Variants in PRKCA observed in about 807,000 individuals in gnomAD.
The protein encoded by PRKCA is protein kinase C alpha, also known as protein kinase C alpha type.
A neutral mutation model predicts 87.0 loss-of-function variants in PRKCA; 27 were observed. The ratio of observed to expected loss-of-function variants is 0.31; its 90% CI spans 0.23 to 0.43. The LOEUF (loss-of-function observed/expected upper bound fraction) is 0.43. Among genes scored for constraint, PRKCA ranks in the 20% least tolerant of loss-of-function variants. The probability of loss-of-function intolerance (pLI) is 1.00; values close to 1 mark genes in which losing one functional copy is unlikely to be tolerated. For missense variants in PRKCA, 518 were observed against 852.3 expected (o/e 0.61, Z 4.88); for synonymous variants, 329 against 311.1 (o/e 1.06, Z -0.61).
chr17:66,386,293 G>A (rs988234831), intron 2 of PRKCA, among the ~76,000 whole-genome samples: 3 of 152,258 alleles, frequency 2.0e-5, no homozygotes, highest in African/African-American at 2.4e-5. Context: ...GTAGTGCTTC[G>A]TTGTGTGGAT....
chr17:66,536,410 C>T (rs546827959), intron 3 of PRKCA, among the ~76,000 whole-genome samples: 8 of 152,280 alleles, frequency 5.3e-5, no homozygotes, highest in African/African-American at 1.7e-4. Context: ...AAAATAAAAC[C>T]CACATGGAAA....
chr17:66,529,998 T>C (rs560578535), intron 3 of PRKCA, among the ~76,000 whole-genome samples: 2 of 152,302 alleles, frequency 1.3e-5, no homozygotes, highest in South Asian at 4.1e-4. Flanking sequence ...AGGGAGGAAG[T>C]AGGATTCCTT....
chr17:66,325,885 C>T (rs1440411886), intron 2 of PRKCA, among the ~76,000 whole-genome samples: 1 of 152,138 alleles, frequency 6.6e-6, no homozygotes, highest in Non-Finnish European at 1.5e-5. Flanking sequence ...CACCTTTCCC[C>T]CTTTTAAAAC....
Position 66,467,480 on chromosome 17 carries a change from A to AT in PRKCA, c.206-28712dup, listed in dbSNP as rs1250517918. Among the ~76,000 whole-genome samples the AT allele has an allele frequency of 6.1e-3, 930 of 151,302 alleles. 9 individuals are homozygous for AT. The highest frequency in any genetic ancestry group is 0.019 in the African/African-American group (801 of 41,316). On this transcript the variant is annotated intron_variant, in intron 2 of 16. Coordinates refer to ENST00000413366, the MANE Select transcript of PRKCA (RefSeq NM_002737.3). ...AATGCTTGTTTAGCTGGGCAAACAC[A>AT]TTTTTTTTTGCAGAAAAACAGCCCT...
chr17:66,760,915 G>A (rs541289062), intron 13 of PRKCA, among the ~76,000 whole-genome samples: 12 of 152,194 alleles, frequency 7.9e-5, no homozygotes, highest in African/African-American at 2.6e-4. Flanking sequence ...TTTGGGAGGG[G>A]TACTTAGGCT....
intron 5 of PRKCA, among the ~76,000 whole-genome samples, chr17:66,685,731 C>T (rs543459967): frequency 1.3e-5 from 2 of 152,344 alleles, no homozygotes; most frequent in South Asian, 4.1e-4. Context: ...TTAGGGTTCT[C>T]CCCCTGCCTC....
intron 13 of PRKCA, among the ~76,000 whole-genome samples, chr17:66,745,405 G>T (rs919608034): frequency 5.3e-5 from 8 of 152,264 alleles, no homozygotes; most frequent in African/African-American, 1.9e-4. Context: ...TCTTGGCTGG[G>T]CACAGTGGCT....
At chr17:66,593,190 T>C (rs1442441345) in intron 3 of PRKCA, among the ~76,000 whole-genome samples, 1 of 152,176 alleles carries the variant, frequency 6.6e-6, no homozygotes. Flanking sequence ...TAAAGACATA[T>C]GAAATTAGTG....
intron 2 of PRKCA, among the ~76,000 whole-genome samples, chr17:66,454,563 C>T (rs1473665123): frequency 6.6e-6 from 1 of 152,132 alleles, no homozygotes; most frequent in Non-Finnish European, 1.5e-5. Flanking sequence ...ACTCACAGTT[C>T]CATGTGTCTG....
At chr17:66,327,291 C>T (rs935539300) in intron 2 of PRKCA, among the ~76,000 whole-genome samples, 6 of 149,532 alleles carry the variant, frequency 4.0e-5, no homozygotes, top group Non-Finnish European at 8.9e-5. Flanking sequence ...GGCGTGAACC[C>T]AGGAGGCGGA....
chr17:66,763,518 G>T (rs1974732873), intron 13 of PRKCA, among the ~76,000 whole-genome samples: 1 of 152,210 alleles, frequency 6.6e-6, no homozygotes. Flanking sequence ...TGTAAAGAGT[G>T]CCTCTGGGGT....
intron 2 of PRKCA, among the ~76,000 whole-genome samples, chr17:66,396,489 G>A (rs1053239856): frequency 1.3e-5 from 2 of 151,926 alleles, no homozygotes; most frequent in Admixed American, 6.6e-5. Flanking sequence ...TGTGTATTTG[G>A]TAATGTAGTT....
rs1975964010 is a variant in PRKCA, at chr17:66,803,986, C to T, written c.1968C>T (p.Phe656=). The T allele has an allele frequency of 6.2e-7, 1 of 1,613,890 alleles. No homozygotes were observed. The highest frequency in any genetic ancestry group is 8.5e-7 in the Non-Finnish European group (1 of 1,179,964). The change falls in exon 17 of 17, where the codon TTC becomes TTT. Residue 656 remains phenylalanine, a synonymous_variant. Transcript: ENST00000413366. The surrounding 1 kb of genome is among the most constrained non-coding windows in gnomAD (Gnocchi z 4.4). Reference sequence around the variant, plus strand: ...TAGACCAGTCTGATTTTGAAGGGTTCTCGTATGTCAACCCCCAGTTTGTGC... The same window carrying T: ...TAGACCAGTCTGATTTTGAAGGGTTTTCGTATGTCAACCCCCAGTTTGTGC... ...ANIDQSDFEG[F]SYVNPQFVHP... is the part of the protein sequence containing the mutation.
intron 16 of PRKCA, among the ~76,000 whole-genome samples, chr17:66,795,940 C>T (rs1465420219): frequency 6.6e-6 from 1 of 152,336 alleles, no homozygotes; most frequent in South Asian, 2.1e-4. Flanking sequence ...CTCTGTCTAT[C>T]AGCAAACTCA....
chr17:66,466,736 CTT>C (rs897037166), intron 2 of PRKCA, among the ~76,000 whole-genome samples: 2 of 151,990 alleles, frequency 1.3e-5, no homozygotes, highest in African/African-American at 4.8e-5. Flanking sequence ...ATAAAATTGA[CTT>C]TATTTCTAAA....
chr17:66,302,734 G>GCCCGCGC lies in PRKCA; in HGVS notation c.-108_-102dup, dbSNP rs920298965. 5.4e-6 allele frequency: 4 copies of GCCCGCGC among 736,026 alleles called. No individual in the cohort carries two copies. The highest frequency in any genetic ancestry group is 6.0e-5 in the South Asian group (1 of 16,586). The allele number at this position is 736,026 out of a possible 1,614,324, so 45.6% of individuals were successfully genotyped here. On this transcript the variant is annotated 5_prime_UTR_variant, in exon 1 of 17. Transcript: ENST00000413366. Reference sequence around the variant, plus strand: ...CCCCTCGCCGCGACCTCGGCCACCGGCCCGCGCCCCGCGCCCGGGGTCGCC... The same window carrying GCCCGCGC: ...CCCCTCGCCGCGACCTCGGCCACCGGCCCGCGCCCCGCGCCCCGCGCCCGGGGTCGCC...
chr17:66,791,966 T>G (rs1460129509), intron 16 of PRKCA, among the ~76,000 whole-genome samples: 1 of 152,240 alleles, frequency 6.6e-6, no homozygotes, highest in Admixed American at 6.5e-5. Flanking sequence ...GGTCATTTTG[T>G]TATTTCAAAG....
intron 2 of PRKCA, among the ~76,000 whole-genome samples, chr17:66,454,995 T>C (rs1914514371): frequency 6.6e-6 from 1 of 151,826 alleles, no homozygotes; most frequent in Non-Finnish European, 1.5e-5. Flanking sequence ...CAGGCAGCAG[T>C]GGAGGGAAGG....
At chr17:66,308,004 C>T (rs1904911480) in intron 2 of PRKCA, among the ~76,000 whole-genome samples, 1 of 152,168 alleles carries the variant, frequency 6.6e-6, no homozygotes, top group Non-Finnish European at 1.5e-5. Flanking sequence ...TATTCTTCCA[C>T]ATCAAAGCAT....
Sources: allele counts gnomAD v4.1 joint callset (sites outside exome capture counted in the v4.1 genomes callset), GRCh38; gene constraint gnomAD v4.1.1; non-coding constraint Gnocchi (gnomAD v3.1); transcripts MANE v1.5; gene names NCBI Gene and HGNC (gene_info 2026-07-23, HGNC 2026-07-21).